Variants in PITPNC1 observed in about 807,000 individuals in gnomAD.
PITPNC1 encodes the protein cytoplasmic phosphatidylinositol transfer protein 1.
A neutral mutation model predicts 44.7 loss-of-function variants in PITPNC1; 18 were observed. The observed-to-expected ratio is 0.40, with a 90% CI of 0.28 to 0.60. The LOEUF (loss-of-function observed/expected upper bound fraction) is 0.60. Among genes scored for constraint, PITPNC1 ranks in the 20% least tolerant of loss-of-function variants. The probability of loss-of-function intolerance (pLI) is 0.39; values close to 1 mark genes in which losing one functional copy is unlikely to be tolerated. For synonymous variants in PITPNC1, 141 were observed against 149.6 expected, an observed-to-expected ratio of 0.94 and a Z score of 0.42; for missense variants, 290 against 418.4, an observed-to-expected ratio of 0.69 and a Z score of 2.68.
intron 4 of PITPNC1, among the ~76,000 whole-genome samples, chr17:67,575,855 T>TTCCTTCC (rs2041139106): frequency 1.2e-5 from 1 of 84,402 alleles, no homozygotes; most frequent in Non-Finnish European, 2.2e-5. Context: ...TCTTTCTTTC[T>TTCCTTCC]TTCCTTCCTT....
chr17:67,621,182 T>TTTTATTTTATTTTATTTTAC (rs2041824697), intron 5 of PITPNC1, among the ~76,000 whole-genome samples: 1 of 126,790 alleles, frequency 7.9e-6, no homozygotes, highest in East Asian at 2.2e-4. Flanking sequence ...CTGAAGCACA[T>TTTTATTTTATTTTATTTTAC]TTTATTTTAT....
chr17:67,498,367 G>A (rs2039983722), intron 1 of PITPNC1, among the ~76,000 whole-genome samples: 1 of 152,192 alleles, frequency 6.6e-6, no homozygotes, highest in Non-Finnish European at 1.5e-5. Flanking sequence ...GCCGAGGCGG[G>A]CAGATCATCT....
At chr17:67,659,725 A>T (rs1567763626) in intron 6 of PITPNC1, among the ~76,000 whole-genome samples, 1 of 151,800 alleles carries the variant, frequency 6.6e-6, no homozygotes, top group African/African-American at 2.4e-5. Context: ...TTTTCTTTTT[A>T]TTTTTTTCCA....
chr17:67,453,351 G>A (rs1438106739), intron 1 of PITPNC1, among the ~76,000 whole-genome samples: 1 of 152,142 alleles, frequency 6.6e-6, no homozygotes, highest in Admixed American at 6.6e-5. Context: ...CTTGGTGAGA[G>A]GTAATGGAGA....
At chr17:67,387,885 A>C (rs1387234015) in intron 1 of PITPNC1, among the ~76,000 whole-genome samples, 3 of 152,062 alleles carry the variant, frequency 2.0e-5, no homozygotes, top group Non-Finnish European at 2.9e-5. Context: ...TTTCACACTA[A>C]GTCTTTGAAA....
At chr17:67,490,433 A>AT (rs1176709227) in intron 1 of PITPNC1, among the ~76,000 whole-genome samples, 2 of 151,982 alleles carry the variant, frequency 1.3e-5, no homozygotes, top group Non-Finnish European at 2.9e-5. Flanking sequence ...GAAATTAATG[A>AT]TTTTTTTAAA....
intron 5 of PITPNC1, among the ~76,000 whole-genome samples, chr17:67,607,012 T>C (rs549146328): frequency 6.6e-6 from 1 of 152,302 alleles, no homozygotes; most frequent in South Asian, 2.1e-4. Context: ...GGCTGGCCCA[T>C]GTGCAGAATG....
intron 8 of PITPNC1, among the ~76,000 whole-genome samples, chr17:67,689,021 G>A (rs530805570): frequency 5.3e-5 from 8 of 152,284 alleles, no homozygotes; most frequent in Non-Finnish European, 8.8e-5. Context: ...TGACCAACAT[G>A]AAGAAACCCC....
intron 4 of PITPNC1, among the ~76,000 whole-genome samples, chr17:67,557,751 C>A (rs1396725290): frequency 1.3e-5 from 2 of 152,168 alleles, no homozygotes; most frequent in East Asian, 3.9e-4. Context: ...GAGTCTGCAC[C>A]CAGGATTTAT....
At chr17:67,389,853 G>T (rs1168107432) in intron 1 of PITPNC1, among the ~76,000 whole-genome samples, 1 of 152,100 alleles carries the variant, frequency 6.6e-6, no homozygotes, top group African/African-American at 2.4e-5. Flanking sequence ...CTAATTGTTT[G>T]TATTTTTAGT....
intron 5 of PITPNC1, among the ~76,000 whole-genome samples, chr17:67,624,172 GT>G (rs2041866714): frequency 6.7e-6 from 1 of 148,562 alleles, no homozygotes; most frequent in South Asian, 2.2e-4. Flanking sequence ...TTGTGCGTAA[GT>G]CTTTTCCTTT....
intron 5 of PITPNC1, among the ~76,000 whole-genome samples, chr17:67,608,401 A>C (rs1243210384): frequency 6.6e-6 from 1 of 151,954 alleles, no homozygotes; most frequent in African/African-American, 2.4e-5. Flanking sequence ...ATAAATAAAC[A>C]TTCATGATTC....
Position 67,692,565 on chromosome 17 carries a change from C to T in PITPNC1, c.683-7C>T. 1 of 1,603,608 alleles carries T rather than the reference C, an allele frequency of 6.2e-7. No individual in the cohort carries two copies. The highest frequency in any genetic ancestry group is 8.5e-7 in the Non-Finnish European group (1 of 1,171,262). ...GCTCGTTTTTCTTTCTGTTTTTCTC[C>T]TTGAAGACATGACAATGGATGAAGT... is the stretch of plus-strand genomic sequence containing the variant. On this transcript the variant is annotated splice_polypyrimidine_tract_variant and splice_region_variant and intron_variant, in intron 8 of 8. Transcript: ENST00000581322.
intron 2 of PITPNC1, among the ~76,000 whole-genome samples, chr17:67,549,012 T>C (rs539572254): frequency 6.6e-6 from 1 of 152,332 alleles, no homozygotes; most frequent in East Asian, 1.9e-4. Flanking sequence ...ATGATTGGAA[T>C]AATGATGTGC....
chr17:67,517,585 AAAGG>A (rs2040274621), intron 1 of PITPNC1, among the ~76,000 whole-genome samples: 1 of 152,246 alleles, frequency 6.6e-6, no homozygotes, highest in African/African-American at 2.4e-5. Context: ...TCAGTAATAA[AAAGG>A]AAGTACTGAT....
chr17:67,448,804 G>C (rs1260931643), intron 1 of PITPNC1, among the ~76,000 whole-genome samples: 1 of 152,158 alleles, frequency 6.6e-6, no homozygotes, highest in African/African-American at 2.4e-5. Flanking sequence ...GTTTGAGATG[G>C]GGTCTTGCTC....
chr17:67,533,006 G>A, intron 2 of PITPNC1, 56 bp downstream of exon 2: 2 of 1,442,108 alleles, frequency 1.4e-6, no homozygotes, highest in African/African-American at 2.8e-5. Context: ...TGACCCCATG[G>A]TGTGACAGTG....
chr17:67,399,936 G>C (rs539768136), intron 1 of PITPNC1, among the ~76,000 whole-genome samples: 13 of 152,164 alleles, frequency 8.5e-5, no homozygotes, highest in Admixed American at 3.9e-4. Context: ...CATTTTCCTG[G>C]GCCTCACCTG....
At chr17:67,630,772 C>T (rs1025432340) in intron 5 of PITPNC1, among the ~76,000 whole-genome samples, 3 of 150,204 alleles carry the variant, frequency 2.0e-5, no homozygotes, top group Middle Eastern at 3.2e-3. Context: ...AGTGCAGTGG[C>T]GCAATCTCGG....
Sources: allele counts gnomAD v4.1 joint callset (sites outside exome capture counted in the v4.1 genomes callset), GRCh38; gene constraint gnomAD v4.1.1; transcripts MANE v1.5; gene names NCBI Gene and HGNC (gene_info 2026-07-23, HGNC 2026-07-21).